Variants in THBS4 observed in about 807,000 individuals in gnomAD.
THBS4 encodes the protein thrombospondin-4.
Under a neutral mutation model 115.7 loss-of-function variants are expected in THBS4, and 90 were observed. That is an observed-to-expected ratio of 0.78 (90% CI 0.66 to 0.93). The LOEUF is 0.93. Ranked by LOEUF, THBS4 falls within the 40% of genes least tolerant of loss-of-function variation. THBS4 has a pLI of 0.00. For missense variants in THBS4, 1,087 were observed against 1,232.7 expected (o/e 0.88, Z 1.77); for synonymous variants, 460 against 479.3 (o/e 0.96, Z 0.53).
chr5:80,024,224 A>G (rs1051716736), intron 2 of THBS4, among the ~76,000 whole-genome samples: 23 of 152,290 alleles, frequency 1.5e-4, no homozygotes, highest in Non-Finnish European at 3.1e-4. Flanking sequence ...TAAGGAACAG[A>G]ACCATTAAAT....
intron 7 of THBS4, among the ~76,000 whole-genome samples, chr5:80,060,831 G>A (rs985882615): frequency 6.6e-6 from 1 of 152,158 alleles, no homozygotes; most frequent in African/African-American, 2.4e-5. Context: ...TAGCAAGGCT[G>A]CCACCAAAAT....
intron 2 of THBS4, among the ~76,000 whole-genome samples, chr5:80,007,150 C>T (rs1286598555): frequency 6.6e-6 from 1 of 152,162 alleles, no homozygotes; most frequent in Non-Finnish European, 1.5e-5. Flanking sequence ...GAGTGTTCAT[C>T]CTCATTCATA....
At chr5:80,000,287 T>C (rs1831870951) in intron 2 of THBS4, among the ~76,000 whole-genome samples, 1 of 152,212 alleles carries the variant, frequency 6.6e-6, no homozygotes, top group Admixed American at 6.5e-5. Context: ...ACAAAACATA[T>C]TCAACTATTA....
intron 20 of THBS4, among the ~76,000 whole-genome samples, chr5:80,081,573 A>G (rs943041934): frequency 6.6e-6 from 1 of 152,232 alleles, no homozygotes; most frequent in Non-Finnish European, 1.5e-5. Context: ...AGTGACTTAA[A>G]TGTTTGTTAC....
At chr5:79,993,103 A>G (rs1831719847) in intron 1 of THBS4, among the ~76,000 whole-genome samples, 1 of 152,244 alleles carries the variant, frequency 6.6e-6, no homozygotes, top group Admixed American at 6.5e-5. Flanking sequence ...TAGTGGACAC[A>G]TAACACAGTT....
At position 80,080,048 on chromosome 5, in the gene THBS4, A is replaced by C. The variant is rs1444689175; in HGVS notation, c.2655A>C (p.Leu885=). The C allele has an allele frequency of 6.2e-7, 1 of 1,614,102 alleles. No homozygotes were observed. The highest frequency in any genetic ancestry group is 8.5e-7 in the Non-Finnish European group (1 of 1,179,974). The change falls in exon 20 of 22, where the codon CTA becomes CTC. Residue 885 remains leucine, a synonymous_variant. Transcript: ENST00000350881. ...WKDKVSYRWF[L]QHRPQVGYIR... ...ACAAGGTGTCCTACCGCTGGTTCCT[A>C]CAGCACAGGCCCCAGGTGGGCTACA...
At chr5:80,031,399 T>A (rs952718885), upstream of THBS4, among the ~76,000 whole-genome samples, 1 of 152,166 alleles carries the variant, frequency 6.6e-6, no homozygotes, top group African/African-American at 2.4e-5. Context: ...AAAAATTAAG[T>A]CATACTCTGT....
At chr5:80,038,442 T>G (rs1832786369) in intron 1 of THBS4, among the ~76,000 whole-genome samples, 1 of 152,184 alleles carries the variant, frequency 6.6e-6, no homozygotes, top group Non-Finnish European at 1.5e-5. Flanking sequence ...TAGCCAGGGT[T>G]GTAATATAGA....
At chr5:80,003,249 A>G (rs1048207174) in intron 2 of THBS4, among the ~76,000 whole-genome samples, 16 of 152,206 alleles carry the variant, frequency 1.1e-4, no homozygotes, top group African/African-American at 3.9e-4. Context: ...AAATGCCTAA[A>G]TACTACAAAC....
intron 2 of THBS4, among the ~76,000 whole-genome samples, chr5:80,010,356 C>A (rs1004108068): frequency 6.6e-6 from 1 of 152,210 alleles, no homozygotes; most frequent in African/African-American, 2.4e-5. Flanking sequence ...CTCTCACCTA[C>A]CAGGGTAGAA....
At chr5:80,004,231 A>G (rs964289541) in intron 2 of THBS4, among the ~76,000 whole-genome samples, 1 of 152,208 alleles carries the variant, frequency 6.6e-6, no homozygotes, top group Non-Finnish European at 1.5e-5. Context: ...TGCAAAATGG[A>G]GAAAATGGGA....
chr5:80,050,633 G>A (rs996685599), intron 2 of THBS4, among the ~76,000 whole-genome samples: 1 of 152,208 alleles, frequency 6.6e-6, no homozygotes, highest in African/African-American at 2.4e-5. Context: ...CCTCTAAACT[G>A]TAATTTCTAA....
At chr5:80,004,823 C>T (rs955283336) in intron 2 of THBS4, among the ~76,000 whole-genome samples, 13 of 152,024 alleles carry the variant, frequency 8.6e-5, no homozygotes, top group South Asian at 6.2e-4. Flanking sequence ...CTGCAACCTC[C>T]GCCTCCCGGG....
intron 10 of THBS4, among the ~76,000 whole-genome samples, chr5:80,070,062 G>T (rs1414698616): frequency 6.6e-6 from 1 of 152,142 alleles, no homozygotes; most frequent in Non-Finnish European, 1.5e-5. Flanking sequence ...CTGCTGCTCT[G>T]CCTGTTCCTG....
At chr5:80,012,125 A>T (rs896622607) in intron 2 of THBS4, among the ~76,000 whole-genome samples, 2 of 151,982 alleles carry the variant, frequency 1.3e-5, no homozygotes, top group African/African-American at 4.8e-5. Flanking sequence ...AACCTAAAAT[A>T]AAAATTAATA....
chr5:80,051,281 G>A (rs1347082521), intron 2 of THBS4, among the ~76,000 whole-genome samples: 1 of 152,158 alleles, frequency 6.6e-6, no homozygotes, highest in Non-Finnish European at 1.5e-5. Context: ...ATGTGAAAAC[G>A]TTGAGTTTCC....
In THBS4 at chr5:79,994,483, C is replaced by T. The variant is rs117215830; in HGVS notation, n.81+3071C>T. ...ATTTGTTTAGTATTACACCATTAAA[C>T]GAATTCATTAAGCAGCTTCTGTATG... is the stretch of plus-strand genomic sequence containing the variant. On this transcript the variant is annotated intron_variant and non_coding_transcript_variant, in intron 1 of 3. Transcript: ENST00000510218. Among the ~76,000 whole-genome samples the T allele has an allele frequency of 1.7e-3, 254 of 152,206 alleles. 4 individuals carry two copies. In the East Asian group the frequency reaches 0.041, roughly 24 times the overall value.
chr5:79,997,092 G>A (rs1580897774), intron 1 of THBS4, among the ~76,000 whole-genome samples: 1 of 151,346 alleles, frequency 6.6e-6, no homozygotes, highest in African/African-American at 2.4e-5. Flanking sequence ...GCAGGGGAGT[G>A]ATAGGTTGGA....
intron 2 of THBS4, among the ~76,000 whole-genome samples, chr5:80,004,323 A>G (rs1422187968): frequency 6.6e-6 from 1 of 152,240 alleles, no homozygotes; most frequent in African/African-American, 2.4e-5. Flanking sequence ...GACCAGCACC[A>G]CATTGGACTG....
Sources: allele counts gnomAD v4.1 joint callset (sites outside exome capture counted in the v4.1 genomes callset), GRCh38; gene constraint gnomAD v4.1.1; transcripts MANE v1.5; gene names NCBI Gene and HGNC (gene_info 2026-07-23, HGNC 2026-07-21).